The following PTPRH variants were observed in gnomAD, a reference collection of about 807,000 sequenced individuals.
PTPRH encodes protein tyrosine phosphatase receptor type H, also known as receptor-type tyrosine-protein phosphatase H.
A neutral mutation model predicts 130.2 loss-of-function variants in PTPRH; 113 were observed. The ratio of observed to expected loss-of-function variants is 0.87; its 90% CI spans 0.75 to 1.01. The LOEUF is 1.01. PTPRH is among the 50% of genes least tolerant of loss of function. The pLI is 0.00. For missense variants in PTPRH, 1,430 were observed against 1,425.0 expected (o/e 1.00, Z -0.06); for synonymous variants, 556 against 577.9 (o/e 0.96, Z 0.54).
intron 3 of PTPRH, among the ~76,000 whole-genome samples, chr19:55,205,930 A>C (rs546667218): frequency 1.2e-4 from 18 of 152,354 alleles, no homozygotes; most frequent in Non-Finnish European, 2.4e-4. Flanking sequence ...ATTACAAGTC[A>C]AAATGAAAAT....
chr19:55,192,258 A>C lies in PTPRH; in HGVS notation c.2258-517T>G, dbSNP rs573300737. ...TCCACTAAAAATACAAAAAATTAGC[A>C]GGGCGTGGTGGTGGGCGCCTGTAGT... On this transcript the variant is annotated intron_variant, in intron 10 of 19. Coordinates refer to ENST00000376350, the MANE Select transcript of PTPRH (RefSeq NM_002842.5). 1.3e-4 allele frequency among the ~76,000 whole-genome samples: 19 copies of C among 151,766 alleles called. No homozygotes were observed. In the East Asian group the frequency reaches 3.0e-3, roughly 24 times the overall value.
chr19:55,204,071 C>A, intron 4 of PTPRH, 23 bp from the exon 5 acceptor site: 2 of 1,598,690 alleles, frequency 1.3e-6, no homozygotes, highest in Non-Finnish European at 1.7e-6. Flanking sequence ...GAAGAAAGAT[C>A]TAATATGAGC....
rs2087027055 is a variant in PTPRH, at chr19:55,205,684, G to T, written c.353-92C>A. The T allele has an allele frequency of 1.9e-6, 3 of 1,558,834 alleles. No homozygotes were observed. In the Admixed American group the frequency reaches 5.4e-5, roughly 28 times the overall value. The stretch of plus-strand genomic sequence containing the variant: ...TAACCGTTGCATCCAGCAGGTAGAG[G>T]CAGGGAGGCCCAGCTCTGCACTGTC... On this transcript the variant is annotated intron_variant, in intron 3 of 19. Transcript: ENST00000376350.
At position 55,209,298 on chromosome 19, in the gene PTPRH, G is replaced by T; in HGVS notation, c.51+85C>A. ...GGATCTTCAGCACCTACTTCCTCAA[G>T]ATCGAGGTGCAGGCACCCAGCTCCT... On this transcript the variant is annotated intron_variant, in intron 1 of 19. Coordinates refer to ENST00000376350, the MANE Select transcript of PTPRH (RefSeq NM_002842.5). The surrounding 1 kb of genome is among the most constrained non-coding windows in gnomAD (Gnocchi z 4.1). The T allele has an allele frequency of 8.4e-7, 1 of 1,188,744 alleles. No individual in the cohort carries two copies. The highest frequency in any genetic ancestry group is 1.3e-5 in the South Asian group (1 of 76,766). The allele number at this position is 1,188,744 out of a possible 1,614,324, so 73.6% of individuals were successfully genotyped here.
chr19:55,187,920 G>A (rs1428831694), intron 13 of PTPRH, among the ~76,000 whole-genome samples, 158 bp downstream of exon 13: 1 of 150,568 alleles, frequency 6.6e-6, no homozygotes, highest in African/African-American at 2.4e-5. Context: ...TCAGTGAGTG[G>A]AAAGATAACA....
rs552947866 is a variant in PTPRH at position 55,187,407 on chromosome 19, G to A, written c.2566+106C>T. ...GGAAGAAAAAAAAAAGGAGACCCACGGTAGGGGGCAGGACTTGTTTCTCAA... is the reference window on the plus strand; with the variant it reads ...GGAAGAAAAAAAAAAGGAGACCCACAGTAGGGGGCAGGACTTGTTTCTCAA... On this transcript the variant is annotated intron_variant, in intron 14 of 19. Coordinates refer to ENST00000376350, the MANE Select transcript of PTPRH (RefSeq NM_002842.5). 307 of 624,634 alleles carry A rather than the reference G, an allele frequency of 4.9e-4. 1 individual carries two copies. The highest frequency in any genetic ancestry group is 6.6e-4 in the Non-Finnish European group (254 of 385,572). 38.7% of individuals were successfully genotyped at this position (624,634 alleles called of 1,614,324 possible).
Position 55,181,575 on chromosome 19 carries a change from C to G in PTPRH, c.*179G>C, listed in dbSNP as rs2086171575. 1.3e-6 allele frequency: 1 copy of G among 774,774 alleles called. No homozygotes were observed. Among genetic ancestry groups the G allele is most frequent in the Non-Finnish European group, 2.1e-6 (1 of 479,938 alleles). 48.0% of individuals were successfully genotyped at this position (774,774 alleles called of 1,614,324 possible). Reference sequence around the variant, plus strand: ...CCAGATCCCCAGCTCCCATAGGACTCATCTGAAGCCCACCAGACCACTCTC... The same window carrying G: ...CCAGATCCCCAGCTCCCATAGGACTGATCTGAAGCCCACCAGACCACTCTC... On this transcript the variant is annotated 3_prime_UTR_variant, in exon 20 of 20. Transcript: ENST00000376350.
At chr19:55,207,248 G>T (rs373104096) in intron 1 of PTPRH, 49 bp from the exon 2 acceptor site, 2 of 1,590,814 alleles carry the variant, frequency 1.3e-6, no homozygotes, top group South Asian at 1.1e-5. Flanking sequence ...CCACTCCTCC[G>T]CCCAGTGAGG....
Position 55,205,582 on chromosome 19 carries a change from T to C in PTPRH, c.363A>G (p.Pro121=). The change falls in exon 4 of 20, where the codon CCA becomes CCG. Residue 121 remains proline (P), a synonymous_variant. Coordinates refer to ENST00000376350, the MANE Select transcript of PTPRH (RefSeq NM_002842.5). ...GAGCCTCCACTCTCAGGTTCCTCAC[T>C]GGGTTGGGAGCTGAAAACCAGCACA... ...GTVTTATAPN[P]VRNLRVEAQT... 6.2e-7 allele frequency: 1 copy of C among 1,614,142 alleles called. No homozygotes were observed. Among genetic ancestry groups the C allele is most frequent in the Non-Finnish European group, 8.5e-7 (1 of 1,180,014 alleles).
intron 3 of PTPRH, 60 bp downstream of exon 3, chr19:55,206,629 A>G (rs564880415): frequency 2.0e-5 from 29 of 1,454,010 alleles, no homozygotes; most frequent in African/African-American, 2.8e-5. Flanking sequence ...TCAGCTCTCA[A>G]CCACCCCCTA....
At chr19:55,190,536 TATATATA>T (rs1017135591) in intron 12 of PTPRH, among the ~76,000 whole-genome samples, 295 of 135,252 alleles carry the variant, frequency 2.2e-3, no homozygotes, top group Middle Eastern at 3.7e-3. Flanking sequence ...TATTGTATAA[TATATATA>T]ATATATAATA....
chr19:55,187,081 C>T lies in PTPRH; in HGVS notation c.2566+432G>A, dbSNP rs1208391933. Among the ~76,000 whole-genome samples the T allele has an allele frequency of 6.5e-4, 98 of 149,872 alleles. 1 individual carries two copies. The highest frequency in any genetic ancestry group is 1.8e-4 in the Non-Finnish European group (12 of 67,644). ...AGGTGGGGGGCCGGGCGCAGTGGCT[C>T]ACGCCCGTAATCCCAGCACTTTGGG... On this transcript the variant is annotated intron_variant, in intron 14 of 19. Coordinates refer to ENST00000376350, the MANE Select transcript of PTPRH (RefSeq NM_002842.5).
intron 18 of PTPRH, among the ~76,000 whole-genome samples, chr19:55,183,404 C>T (rs1749954386): frequency 6.7e-6 from 1 of 149,772 alleles, no homozygotes; most frequent in African/African-American, 2.5e-5. Context: ...GATTCCGTCC[C>T]CCACAAAAAT....
intron 10 of PTPRH, chr19:55,194,283 C>T (rs1232100509): frequency 1.6e-6 from 2 of 1,289,328 alleles, no homozygotes; most frequent in South Asian, 2.5e-5. Flanking sequence ...CCCCAAGCTG[C>T]AGCTTCTCAG....
At chr19:55,204,079 A>G (rs745767501) in intron 4 of PTPRH, 31 bp from the exon 5 acceptor site, 1 of 1,591,130 alleles carries the variant, frequency 6.3e-7, no homozygotes, top group Non-Finnish European at 8.6e-7. Context: ...ATCTAATATG[A>G]GCAGGACTAC....
At chr19:55,200,670 T>C (rs1358788717) in intron 6 of PTPRH, among the ~76,000 whole-genome samples, 168 bp from the exon 7 acceptor site, 1 of 152,088 alleles carries the variant, frequency 6.6e-6, no homozygotes, top group Admixed American at 6.6e-5. Flanking sequence ...GTGCCGGGCG[T>C]GGTGGCTCAC....
At chr19:55,191,938 G>C in intron 10 of PTPRH, 197 bp from the exon 11 acceptor site, 1 of 675,680 alleles carries the variant, frequency 1.5e-6, no homozygotes, top group Non-Finnish European at 2.7e-6. Context: ...CCCTGAGACA[G>C]CAAGACCAGC....
chr19:55,193,562 C>T (rs2086601693), intron 10 of PTPRH, among the ~76,000 whole-genome samples: 1 of 152,200 alleles, frequency 6.6e-6, no homozygotes, highest in Non-Finnish European at 1.5e-5. Context: ...TTGGTTGTCA[C>T]AGCTTGGAAG....
Position 55,185,903 on chromosome 19 carries a change from C to G in PTPRH, c.2860G>C (p.Val954Leu), listed in dbSNP as rs151175224. 1 of 1,614,088 alleles carries G rather than the reference C, an allele frequency of 6.2e-7. No individual in the cohort carries two copies. Among genetic ancestry groups the G allele is most frequent in the Non-Finnish European group, 8.5e-7 (1 of 1,180,046 alleles). Residue 954 changes from valine (V) to leucine (L), a missense_variant, in exon 17 of 20, where the codon GTG becomes CTG. By Grantham distance (32) the Val-to-Leu change is conservative. Transcript: ENST00000376350. ...TCCCGCACCGTCCAGTTCTCCATCA[C>G]TTCCTCACCTACCAGGGTTACCCGC... ...HLRVTLVGEE[V>L]MENWTVRELL...
Sources: gnomAD v4.1 joint callset for allele counts (sites outside exome capture counted in the v4.1 genomes callset) on GRCh38, gnomAD v4.1.1 for gene constraint, Gnocchi (gnomAD v3.1) non-coding constraint, MANE v1.5 for transcripts, NCBI Gene and HGNC (gene_info 2026-07-23, HGNC 2026-07-21) for gene names.